The following MERTK variants were observed in gnomAD, a reference collection of about 807,000 sequenced individuals.
The protein encoded by MERTK is tyrosine-protein kinase Mer.
A neutral mutation model predicts 99.3 loss-of-function variants in MERTK; 69 were observed. That is an observed-to-expected ratio of 0.70 (90% CI 0.57 to 0.85). The LOEUF is 0.85. MERTK is among the 40% of genes least tolerant of loss of function. The probability of loss-of-function intolerance (pLI) is 0.00; values close to 1 mark genes in which losing one functional copy is unlikely to be tolerated. For missense variants in MERTK, 1,125 were observed against 1,249.4 expected (o/e 0.90, Z 1.50); for synonymous variants, 426 against 467.6 (o/e 0.91, Z 1.15).
intron 1 of MERTK, among the ~76,000 whole-genome samples, chr2:111,908,969 CAT>C (rs1277865610): frequency 6.6e-6 from 1 of 152,132 alleles, no homozygotes; most frequent in Non-Finnish European, 1.5e-5. Flanking sequence ...GTGATCTAAA[CAT>C]ATTTCTCAAA....
intron 1 of MERTK, among the ~76,000 whole-genome samples, chr2:111,924,349 G>C (rs186891403): frequency 6.6e-6 from 1 of 152,168 alleles, no homozygotes; most frequent in African/African-American, 2.4e-5. Flanking sequence ...GCCACCAGCT[G>C]TCCACTCCTG....
intron 8 of MERTK, among the ~76,000 whole-genome samples, chr2:111,989,295 T>C (rs1415054644): frequency 6.6e-6 from 1 of 152,150 alleles, no homozygotes; most frequent in African/African-American, 2.4e-5. Context: ...GAAACTTTTA[T>C]CTCATTGAGG....
chr2:111,957,489 A>G (rs1411095984), intron 4 of MERTK, among the ~76,000 whole-genome samples: 1 of 151,964 alleles, frequency 6.6e-6, no homozygotes, highest in Non-Finnish European at 1.5e-5. Flanking sequence ...ATTTAAAATT[A>G]CAGCTTGCTT....
chr2:111,927,790 C>G (rs554535052), intron 1 of MERTK, among the ~76,000 whole-genome samples: 2 of 152,320 alleles, frequency 1.3e-5, no homozygotes, highest in African/African-American at 4.8e-5. Context: ...CACACACACA[C>G]TCAGGAGCCC....
At chr2:112,006,052 T>C (rs1325987033) in intron 13 of MERTK, among the ~76,000 whole-genome samples, 2 of 152,146 alleles carry the variant, frequency 1.3e-5, no homozygotes, top group Admixed American at 1.3e-4. Flanking sequence ...GGCTAATTTT[T>C]GTATTTTTTT....
intron 5 of MERTK, 60 bp downstream of exon 5, chr2:111,965,337 A>G: frequency 6.5e-7 from 1 of 1,546,638 alleles, no homozygotes; most frequent in East Asian, 2.3e-5. Context: ...GTACAGCATG[A>G]GCTTGCAGCT....
chr2:111,983,824 A>T (rs1426073224), intron 8 of MERTK, among the ~76,000 whole-genome samples: 1 of 152,166 alleles, frequency 6.6e-6, no homozygotes, highest in African/African-American at 2.4e-5. Flanking sequence ...GGGGTTGGGG[A>T]TGGTTAGGCC....
In MERTK at chr2:111,915,154, T is replaced by A. The variant is rs1175349941; in HGVS notation, c.62-13966T>A. On this transcript the variant is annotated intron_variant, in intron 1 of 18. Transcript: ENST00000295408. ...TTTTGAAGATTTAATTCACTTCCTCTATGCTACCAAATTCATGTGTGGTTA... is the reference window on the plus strand; with the variant it reads ...TTTTGAAGATTTAATTCACTTCCTCAATGCTACCAAATTCATGTGTGGTTA... Among the ~76,000 whole-genome samples the A allele has an allele frequency of 2.0e-5, 3 of 152,356 alleles. No individual in the cohort carries two copies. The South Asian group carries it at 6.2e-4, about 32-fold the overall frequency.
At chr2:111,951,522 C>CATCTATATATATATATATATAT (rs1685054063) in intron 4 of MERTK, among the ~76,000 whole-genome samples, 1 of 85,870 alleles carries the variant, frequency 1.2e-5, no homozygotes, top group Non-Finnish European at 2.5e-5. Flanking sequence ...ATAATATTCC[C>CATCTATATATATATATATATAT]ATATATATAT....
intron 1 of MERTK, among the ~76,000 whole-genome samples, chr2:111,910,591 A>AGTGTGTGTGTGT (rs139430156): frequency 0.19 from 26,927 of 140,406 alleles, 3,192 homozygotes; most frequent in Middle Eastern, 0.31. Flanking sequence ...TTAAAAAAAA[A>AGTGTGTGTGTGT]GTGTGTGTGT....
Position 111,929,232 on chromosome 2 carries a change from G to A in MERTK, c.174G>A (p.Gly58=), listed in dbSNP as rs768500497. 6.2e-7 allele frequency: 1 copy of A among 1,614,154 alleles called. No homozygotes were observed. Among genetic ancestry groups the A allele is most frequent in the Non-Finnish European group, 8.5e-7 (1 of 1,180,024 alleles). Residue 58 remains glycine (G), a synonymous_variant, in exon 2 of 19, where the codon GGG becomes GGA. Coordinates refer to ENST00000295408, the MANE Select transcript of MERTK (RefSeq NM_006343.3). ...TGTTATCCCTTCCTCACGCCAGTGG[G>A]TACCAGCCTGCCTTGATGTTTTCAC... The part of the protein sequence containing the change: ...TPLLSLPHAS[G]YQPALMFSPT...
chr2:112,009,719 A>G (rs1164012846), intron 14 of MERTK, among the ~76,000 whole-genome samples: 2 of 152,182 alleles, frequency 1.3e-5, no homozygotes, highest in African/African-American at 2.4e-5. Context: ...GTTACAGTTT[A>G]ATTTGTGACA....
At chr2:112,022,513 TGTGCA>T in intron 18 of MERTK, 119 bp downstream of exon 18, 5 of 1,476,880 alleles carry the variant, frequency 3.4e-6, no homozygotes, top group Non-Finnish European at 4.7e-6. Flanking sequence ...CAGGTGGGCA[TGTGCA>T]GAGGGGTGGA....
chr2:112,013,758 CTG>C (rs1252991625), intron 15 of MERTK, among the ~76,000 whole-genome samples: 2 of 151,964 alleles, frequency 1.3e-5, no homozygotes, highest in Non-Finnish European at 2.9e-5. Flanking sequence ...ACACAGATCC[CTG>C]TGAGTGGCGG....
chr2:111,936,024 C>T (rs768814091), intron 2 of MERTK, among the ~76,000 whole-genome samples: 2 of 152,088 alleles, frequency 1.3e-5, no homozygotes, highest in Admixed American at 6.6e-5. Flanking sequence ...TTAAGCAATT[C>T]TCCTGACTTA....
At chr2:111,903,327 CT>C (rs1684080102) in intron 1 of MERTK, among the ~76,000 whole-genome samples, 1 of 152,162 alleles carries the variant, frequency 6.6e-6, no homozygotes, top group Non-Finnish European at 1.5e-5. Context: ...ACATTCGGGG[CT>C]TGGTTAATAG....
chr2:111,994,146 C>A, intron 8 of MERTK, 105 bp from the exon 9 acceptor site: 2 of 1,313,706 alleles, frequency 1.5e-6, no homozygotes, highest in Non-Finnish European at 2.2e-6. Flanking sequence ...TGGCTTCTGG[C>A]CTCGGACGTG....
intron 1 of MERTK, among the ~76,000 whole-genome samples, chr2:111,917,044 C>T (rs1191114858): frequency 1.3e-5 from 2 of 152,178 alleles, no homozygotes; most frequent in African/African-American, 2.4e-5. Context: ...TCCAATTCTT[C>T]CCCACCTGGC....
intron 2 of MERTK, among the ~76,000 whole-genome samples, chr2:111,933,814 A>G (rs972989200): frequency 2.0e-5 from 3 of 151,908 alleles, no homozygotes; most frequent in African/African-American, 7.3e-5. Flanking sequence ...GTGCTTTGCT[A>G]CACCCATCAA....
Sources: gnomAD v4.1 joint callset for allele counts (sites outside exome capture counted in the v4.1 genomes callset) on GRCh38, gnomAD v4.1.1 for gene constraint, MANE v1.5 for transcripts, NCBI Gene and HGNC (gene_info 2026-07-23, HGNC 2026-07-21) for gene names.